Variants in CFAP299 observed in about 807,000 individuals in gnomAD.
CFAP299 encodes the protein cilia and flagella associated protein 299, also known as cilia- and flagella-associated protein 299.
In CFAP299, 21 loss-of-function variants were observed where a neutral mutation model predicts 27.0. The observed-to-expected ratio is 0.78, with a 90% CI of 0.55 to 1.12. CFAP299 has a LOEUF of 1.12. Among genes scored for constraint, CFAP299 ranks in the 50% most tolerant of loss-of-function variants. The pLI, the probability that CFAP299 is intolerant of heterozygous loss-of-function variation, is 0.00. For synonymous variants in CFAP299, 104 were observed against 98.1 expected (o/e 1.06, Z -0.36); for missense variants, 310 against 276.6 (o/e 1.12, Z -0.86).
At chr4:80,776,850 A>G (rs1470613502) in intron 3 of CFAP299, among the ~76,000 whole-genome samples, 1 of 151,994 alleles carries the variant, frequency 6.6e-6, no homozygotes, top group Non-Finnish European at 1.5e-5. Flanking sequence ...TGTTATTACA[A>G]TAACAATTTC....
intron 3 of CFAP299, among the ~76,000 whole-genome samples, chr4:80,613,419 A>G (rs1300692677): frequency 6.6e-6 from 1 of 152,112 alleles, no homozygotes; most frequent in African/African-American, 2.4e-5. Flanking sequence ...GTTAATTCAA[A>G]TAGATTTAAA....
intron 3 of CFAP299, among the ~76,000 whole-genome samples, chr4:80,780,332 C>G (rs1726798482): frequency 6.6e-6 from 1 of 152,018 alleles, no homozygotes; most frequent in Non-Finnish European, 1.5e-5. Flanking sequence ...TCTCTCTATG[C>G]CATTGTAAGC....
intron 3 of CFAP299, among the ~76,000 whole-genome samples, chr4:80,710,044 T>C (rs1722052345): frequency 6.6e-6 from 1 of 152,120 alleles, no homozygotes; most frequent in South Asian, 2.1e-4. Flanking sequence ...GTGGGAATAA[T>C]ACTAGCAAAT....
chr4:80,648,091 A>T (rs1236523949), intron 3 of CFAP299, among the ~76,000 whole-genome samples: 1 of 152,180 alleles, frequency 6.6e-6, no homozygotes, highest in African/African-American at 2.4e-5. Flanking sequence ...AAGAAAAGTT[A>T]GTTAATGTTT....
rs200082666 is a variant in CFAP299, at chr4:80,916,338, GT to G, written c.477-28471del. On this transcript the variant is annotated intron_variant, in intron 4 of 5. Coordinates refer to ENST00000358105, the MANE Select transcript of CFAP299 (RefSeq NM_152770.3). ...CTGTTCCTCCATCTTTGTATGTACA[GT>G]ATATTAATTGCATACTGGGCATTGT... 9.6e-3 allele frequency among the ~76,000 whole-genome samples: 1,319 copies of G among 138,070 alleles called. 26 individuals are homozygous for G. Among genetic ancestry groups the G allele is most frequent in the African/African-American group, 0.034 (1,291 of 37,804 alleles). The allele number at this position is 138,070 out of a possible 152,430, so 90.6% of individuals were successfully genotyped here. A position where few individuals can be genotyped will look rare whatever the true frequency, so the allele number is the denominator to read the frequency against.
chr4:80,805,033 T>C (rs1181919320), intron 3 of CFAP299, among the ~76,000 whole-genome samples: 1 of 152,110 alleles, frequency 6.6e-6, no homozygotes, highest in African/African-American at 2.4e-5. Context: ...GTGTACGTTC[T>C]ATAGCTATTT....
intron 3 of CFAP299, among the ~76,000 whole-genome samples, chr4:80,739,477 G>GTTTA (rs1199090839): frequency 6.6e-6 from 1 of 151,870 alleles, no homozygotes; most frequent in African/African-American, 2.4e-5. Context: ...TTGTTTGTTT[G>GTTTA]TTTCGTTCAT....
At chr4:80,447,166 C>T (rs1228579402) in intron 2 of CFAP299, among the ~76,000 whole-genome samples, 10 of 110,738 alleles carry the variant, frequency 9.0e-5, no homozygotes, top group African/African-American at 1.5e-4. Flanking sequence ...GACGGAGTCT[C>T]GCTCTGTCAC....
At chr4:80,386,567 C>A (rs1231810896) in intron 2 of CFAP299, 2 of 1,597,052 alleles carry the variant, frequency 1.3e-6, no homozygotes, top group Admixed American at 1.7e-5. Context: ...GGGGCCGAGA[C>A]GACAGCGGTG....
intron 2 of CFAP299, among the ~76,000 whole-genome samples, chr4:80,425,041 A>G (rs1196218300): frequency 1.3e-5 from 2 of 152,004 alleles, no homozygotes; most frequent in Admixed American, 1.3e-4. Flanking sequence ...TGGTCCAAGA[A>G]TTTACAAGCC....
chr4:80,724,212 G>A (rs1723011305), intron 3 of CFAP299, among the ~76,000 whole-genome samples: 3 of 151,896 alleles, frequency 2.0e-5, no homozygotes, highest in Admixed American at 1.3e-4. Context: ...ATTTGGGGTG[G>A]GGGAAATAAT....
At chr4:80,651,932 C>T (rs1339651123) in intron 3 of CFAP299, among the ~76,000 whole-genome samples, 3 of 151,862 alleles carry the variant, frequency 2.0e-5, no homozygotes, top group African/African-American at 7.3e-5. Context: ...AAATGTCTTG[C>T]GGTTAATTAT....
intron 3 of CFAP299, among the ~76,000 whole-genome samples, chr4:80,830,133 G>T (rs1281046915): frequency 1.3e-5 from 2 of 152,084 alleles, no homozygotes; most frequent in African/African-American, 4.8e-5. Context: ...AAGTCATCTA[G>T]CTATTCCAGA....
intron 2 of CFAP299, among the ~76,000 whole-genome samples, chr4:80,502,047 C>T (rs565021099): frequency 5.9e-5 from 9 of 152,010 alleles, no homozygotes; most frequent in African/African-American, 1.7e-4. Flanking sequence ...TAATTCCCTT[C>T]CTACTATTTT....
At chr4:80,921,940 C>G (rs1736067787) in intron 4 of CFAP299, among the ~76,000 whole-genome samples, 3 of 151,756 alleles carry the variant, frequency 2.0e-5, no homozygotes, top group Admixed American at 6.6e-5. Flanking sequence ...ATGGATGTCT[C>G]AAAAAACAGA....
intron 2 of CFAP299, among the ~76,000 whole-genome samples, chr4:80,461,629 G>GT (rs1729441841): frequency 6.6e-6 from 1 of 152,088 alleles, no homozygotes; most frequent in Non-Finnish European, 1.5e-5. Context: ...GCCTGAACTA[G>GT]TTTTTCAGGT....
intron 3 of CFAP299, among the ~76,000 whole-genome samples, chr4:80,849,206 T>G (rs910881146): frequency 6.6e-6 from 1 of 152,154 alleles, no homozygotes; most frequent in Non-Finnish European, 1.5e-5. Flanking sequence ...CTTTTTAAAC[T>G]TTGTTGTTAA....
intron 3 of CFAP299, among the ~76,000 whole-genome samples, chr4:80,740,021 T>C (rs2110063389): frequency 6.6e-6 from 1 of 152,368 alleles, no homozygotes; most frequent in African/African-American, 2.4e-5. Context: ...ATTTAATTTC[T>C]TTGTTACATT....
At chr4:80,448,553 A>AT (rs1187441111) in intron 2 of CFAP299, among the ~76,000 whole-genome samples, 1 of 152,090 alleles carries the variant, frequency 6.6e-6, no homozygotes, top group South Asian at 2.1e-4. Flanking sequence ...TAAACCTTAA[A>AT]TTTTCTTTTA....
Sources: allele counts gnomAD v4.1 joint callset (sites outside exome capture counted in the v4.1 genomes callset), GRCh38; gene constraint gnomAD v4.1.1; transcripts MANE v1.5; gene names NCBI Gene and HGNC (gene_info 2026-07-23, HGNC 2026-07-21).